Variants in SH2D3C observed in about 807,000 individuals in gnomAD.
The protein encoded by SH2D3C is SH2 domain containing 3C, also known as SH2 domain-containing protein 3C.
In SH2D3C, 25 loss-of-function variants were observed where a neutral mutation model predicts 75.2. That is an observed-to-expected ratio of 0.33 (90% CI 0.24 to 0.46). The LOEUF (loss-of-function observed/expected upper bound fraction) is 0.46, where lower values mean the gene tolerates loss of function less well. Ranked by LOEUF, SH2D3C falls within the 20% of genes least tolerant of loss-of-function variation. SH2D3C has a pLI of 1.00. For synonymous variants in SH2D3C, 450 were observed against 473.7 expected, an observed-to-expected ratio of 0.95 and a Z score of 0.65; for missense variants, 933 against 1,165.3, an observed-to-expected ratio of 0.80 and a Z score of 2.90.
chr9:127,749,365 C>T lies in SH2D3C; in HGVS notation c.985G>A (p.Glu329Lys), dbSNP rs769707691. ...CCCTGTCCCAGGCCATAGCTGGCCT[C>T]GAGGTAGCGCAGTGGGAAGGTGCGG... Reference protein sequence around the residue: ...VNRTFPLRYLEASYGLGQGSS... With the variant: ...VNRTFPLRYLKASYGLGQGSS... Residue 329 changes from glutamate (E) to lysine (K), a missense_variant, in exon 5 of 12, where the codon GAG becomes AAG. Glu to Lys is a moderately conservative substitution (Grantham distance 56, BLOSUM62 1). Transcript: ENST00000314830. The surrounding 1 kb of genome is among the most constrained non-coding windows in gnomAD (Gnocchi z 5.9). 1.2e-5 allele frequency: 20 copies of T among 1,613,666 alleles called. No homozygotes were observed. The highest frequency in any genetic ancestry group is 1.7e-5 in the Non-Finnish European group (20 of 1,179,926).
At chr9:127,748,155 G>C (rs1343822729) in intron 5 of SH2D3C, among the ~76,000 whole-genome samples, 1 of 152,200 alleles carries the variant, frequency 6.6e-6, no homozygotes, top group Non-Finnish European at 1.5e-5. Flanking sequence ...CCAACCTGGA[G>C]AATGGTCTGG....
intron 1 of SH2D3C, among the ~76,000 whole-genome samples, chr9:127,776,181 G>A (rs1049338970): frequency 2.0e-5 from 3 of 152,198 alleles, no homozygotes; most frequent in East Asian, 1.9e-4. Flanking sequence ...TCTGCCAAAT[G>A]TGCTGCATGA....
At position 127,751,149 on chromosome 9, in the gene SH2D3C, A is replaced by G. The variant is rs554209095; in HGVS notation, c.684+23T>C. 5.0e-6 allele frequency: 8 copies of G among 1,611,978 alleles called. No homozygotes were observed. The African/African-American group carries it at 1.1e-4, about 22-fold the overall frequency. ...AGTGGGTGGGAGGGTCCCGGGTTGA[A>G]GTCCAGCTCGGGGCCTACTCACCTC... On this transcript the variant is annotated intron_variant, in intron 4 of 11. Transcript: ENST00000314830. The surrounding 1 kb of genome is among the most constrained non-coding windows in gnomAD (Gnocchi z 4.1).
chr9:127,762,138 G>C, intron 2 of SH2D3C: 1 of 1,145,654 alleles, frequency 8.7e-7, no homozygotes, highest in East Asian at 6.7e-5. Flanking sequence ...TCACTTCCTA[G>C]GGTAGAGTGA....
At chr9:127,745,188 C>A in intron 6 of SH2D3C, 89 bp from the exon 7 acceptor site, 1 of 1,138,172 alleles carries the variant, frequency 8.8e-7, no homozygotes, top group South Asian at 2.0e-5. Flanking sequence ...CAGGCTCCCT[C>A]ACTCCTTGTA....
Position 127,767,036 on chromosome 9 carries a change from G to A in SH2D3C, c.516-5386C>T, listed in dbSNP as rs1023203885. 5.2e-6 allele frequency: 8 copies of A among 1,536,208 alleles called. No individual in the cohort carries two copies. In the East Asian group the frequency reaches 9.8e-5, roughly 19 times the overall value. On this transcript the variant is annotated intron_variant, in intron 2 of 11. Transcript: ENST00000314830. ...TGGGGCCTGTGGGATTCCCTGCCGGGAAGGCTCTTGGCTTTGGCCCTGCCC... is the reference window on the plus strand; with the variant it reads ...TGGGGCCTGTGGGATTCCCTGCCGGAAAGGCTCTTGGCTTTGGCCCTGCCC...
At chr9:127,747,408 G>A in intron 5 of SH2D3C, 137 bp from the exon 6 acceptor site, 1 of 787,024 alleles carries the variant, frequency 1.3e-6, no homozygotes, top group South Asian at 2.3e-5. Context: ...CCTCCCGACT[G>A]ACAGGTACCA....
intron 2 of SH2D3C, among the ~76,000 whole-genome samples, chr9:127,766,021 CA>C (rs1845627051): frequency 6.6e-6 from 1 of 152,196 alleles, no homozygotes; most frequent in African/African-American, 2.4e-5. Flanking sequence ...GATTAATGAG[CA>C]GCAATTAAAG....
intron 3 of SH2D3C, among the ~76,000 whole-genome samples, chr9:127,757,633 G>T (rs61134053): frequency 0.2 from 12,952 of 66,076 alleles, 809 homozygotes; most frequent in African/African-American, 0.26. Flanking sequence ...TGATGATGAT[G>T]ATGATGATGA....
In SH2D3C at chr9:127,741,828, A is replaced by T; in HGVS notation, c.2048T>A (p.Phe683Tyr). The T allele has an allele frequency of 6.2e-7, 1 of 1,613,396 alleles. No individual in the cohort carries two copies. Among genetic ancestry groups the T allele is most frequent in the African/African-American group, 1.3e-5 (1 of 75,068 alleles). Residue 683 changes from phenylalanine (F) to tyrosine (Y), a missense_variant, in exon 9 of 12, where the codon TTC becomes TAC. Coordinates refer to ENST00000314830, the MANE Select transcript of SH2D3C (RefSeq NM_170600.3). ...AELRGTMGNM[F>Y]SFAAVMGALD... Reference sequence around the variant, plus strand: ...GGCACCCATGACCGCCGCGAAGCTGAACATGTTGCCCATAGTCCCCCGCAG... The same window carrying T: ...GGCACCCATGACCGCCGCGAAGCTGTACATGTTGCCCATAGTCCCCCGCAG...
chr9:127,762,698 C>T (rs940831819), intron 2 of SH2D3C, among the ~76,000 whole-genome samples: 3 of 152,184 alleles, frequency 2.0e-5, no homozygotes, highest in Admixed American at 6.5e-5. Context: ...CCTCGGGCTC[C>T]GTGTCCACTG....
Position 127,740,307 on chromosome 9 carries a change from C to T in SH2D3C, c.2151G>A (p.Leu717=). 6.2e-7 allele frequency: 1 copy of T among 1,614,162 alleles called. No individual in the cohort carries two copies. Among genetic ancestry groups the T allele is most frequent in the Non-Finnish European group, 8.5e-7 (1 of 1,180,024 alleles). Residue 717 remains leucine (L), a synonymous_variant, in exon 10 of 12, where the codon CTG becomes CTA. Coordinates refer to ENST00000314830, the MANE Select transcript of SH2D3C (RefSeq NM_170600.3). ...GAAAAGGCTTGAGCTTCTTCTCGTA[C>T]AGGATGGCACCCTCTGTGTGTCGCT... ...LRQRHTEGAI[L]YEKKLKPFLK...
chr9:127,769,381 G>A lies in SH2D3C; in HGVS notation c.515+4609C>T, dbSNP rs372164591. Among the ~76,000 whole-genome samples, 8 of 152,278 alleles carry A rather than the reference G, an allele frequency of 5.3e-5. No individual in the cohort carries two copies. The East Asian group carries it at 9.7e-4, about 18-fold the overall frequency. ...AAGCTGGCTGGGTGCGGTGGCTCACGCCTGTAATCCCAGCATTTTGGGAGG... is the reference window on the plus strand; with the variant it reads ...AAGCTGGCTGGGTGCGGTGGCTCACACCTGTAATCCCAGCATTTTGGGAGG... On this transcript the variant is annotated intron_variant, in intron 2 of 11. Transcript: ENST00000314830.
intron 7 of SH2D3C, among the ~76,000 whole-genome samples, chr9:127,744,101 C>A (rs1248481229): frequency 8.3e-6 from 1 of 119,768 alleles, no homozygotes; most frequent in Admixed American, 1.1e-4. Context: ...TGAATAGTGT[C>A]GTTCTGTTGC....
intron 6 of SH2D3C, 60 bp downstream of exon 6, chr9:127,747,087 T>C: frequency 6.4e-7 from 1 of 1,572,598 alleles, no homozygotes; most frequent in Non-Finnish European, 8.7e-7. Context: ...CACACATAGG[T>C]GACAGAAGTC....
rs145179411 is a variant in SH2D3C, at chr9:127,774,861, G to A, written c.38-394C>T. 4.0e-3 allele frequency among the ~76,000 whole-genome samples: 615 copies of A among 152,174 alleles called. 5 individuals carry two copies. The highest frequency in any genetic ancestry group is 0.014 in the African/African-American group (585 of 41,504). On this transcript the variant is annotated intron_variant, in intron 1 of 11. Coordinates refer to ENST00000314830, the MANE Select transcript of SH2D3C (RefSeq NM_170600.3). This position sits in a 1 kb window ranked among gnomAD's most constrained non-coding sequence, Gnocchi z 4.3. The stretch of plus-strand genomic sequence containing the variant: ...TCCCAGCACTTTGGGAGGCCGAGGC[G>A]GGTGGATCACCTGAGGTCAGGAGTT...
chr9:127,759,112 G>A (rs1481123809), intron 3 of SH2D3C, among the ~76,000 whole-genome samples: 1 of 152,248 alleles, frequency 6.6e-6, no homozygotes, highest in African/African-American at 2.4e-5. Context: ...CAGGCTCAGG[G>A]AGGCAATGCC....
chr9:127,776,035 G>A (rs1446387707), intron 1 of SH2D3C, among the ~76,000 whole-genome samples: 3 of 151,958 alleles, frequency 2.0e-5, no homozygotes, highest in Non-Finnish European at 2.9e-5. Flanking sequence ...CACCATGTTG[G>A]CCAGGCTAGT....
At chr9:127,761,555 A>T in intron 3 of SH2D3C, 56 bp downstream of exon 3, 1 of 1,293,088 alleles carries the variant, frequency 7.7e-7, no homozygotes, top group Non-Finnish European at 1.1e-6. Flanking sequence ...CCCGTAATGG[A>T]GCAGGCTCTG....
Sources: gnomAD v4.1 joint callset for allele counts (sites outside exome capture counted in the v4.1 genomes callset) on GRCh38, gnomAD v4.1.1 for gene constraint, Gnocchi (gnomAD v3.1) non-coding constraint, MANE v1.5 for transcripts, NCBI Gene and HGNC (gene_info 2026-07-23, HGNC 2026-07-21) for gene names.